DENND1B: variants seen among roughly 807,000 people sequenced by gnomAD.
The protein encoded by DENND1B is DENN domain-containing protein 1B.
Under a neutral mutation model 90.1 loss-of-function variants are expected in DENND1B, and 59 were observed. The observed-to-expected ratio is 0.65, with a 90% confidence interval of 0.53 to 0.81. The LOEUF (loss-of-function observed/expected upper bound fraction) is 0.81, where lower values mean the gene tolerates loss of function less well. Ranked by LOEUF, DENND1B falls within the 40% of genes least tolerant of loss-of-function variation. DENND1B has a pLI of 0.00. For synonymous variants in DENND1B, 337 were observed against 324.6 expected (o/e 1.04, Z -0.41); for missense variants, 862 against 912.6 (o/e 0.94, Z 0.71).
chr1:197,507,388 T>C lies in DENND1B; in HGVS notation c.*3072A>G, dbSNP rs1246252903. The C allele has an allele frequency of 6.6e-6, 1 of 151,342 alleles. No individual in the cohort carries two copies. The highest frequency in any genetic ancestry group is 1.5e-5 in the Non-Finnish European group (1 of 67,560). The allele number at this position is 151,342 out of a possible 1,614,324, so 9.4% of individuals were successfully genotyped here. ...AAATAATCATGCTATGTTTTGGTGC[T>C]TTTCTAAGACACATTAAAGTAGGTA... On this transcript the variant is annotated 3_prime_UTR_variant, in exon 23 of 23. Transcript: ENST00000620048.
intron 7 of DENND1B, 70 bp downstream of exon 7, chr1:197,652,165 G>A (rs1653289186): frequency 7.9e-7 from 1 of 1,259,010 alleles, no homozygotes; most frequent in Admixed American, 1.9e-5. Flanking sequence ...TTGCCTGAAG[G>A]TACACGTGCT....
At position 197,607,156 on chromosome 1, in the gene DENND1B, A is replaced by G. The variant is rs933619605; in HGVS notation, c.838T>C (p.Leu280=). Reference sequence around the variant, plus strand: ...ACATTTAACATAACAACATCTTCCAATGATTTGTTTTTCACTCTCTATAAA... The same window carrying G: ...ACATTTAACATAACAACATCTTCCAGTGATTTGTTTTTCACTCTCTATAAA... ...SLIERVKNKS[L]EDVVMLNVDT... The change falls in exon 13 of 23, where the codon TTG becomes CTG. Residue 280 remains leucine, a synonymous_variant. Transcript: ENST00000620048. 7.0e-6 allele frequency: 11 copies of G among 1,566,830 alleles called. No individual in the cohort carries two copies. The highest frequency in any genetic ancestry group is 1.5e-5 in the African/African-American group (1 of 65,174).
chr1:197,587,470 G>A (rs747290874), intron 14 of DENND1B, among the ~76,000 whole-genome samples: 1 of 152,158 alleles, frequency 6.6e-6, no homozygotes, highest in African/African-American at 2.4e-5. Flanking sequence ...CAGCTATCAG[G>A]AAAACATAAT....
chr1:197,540,201 A>T (rs1339388008), intron 19 of DENND1B, 130 bp from the exon 20 acceptor site: 11 of 421,506 alleles, frequency 2.6e-5, no homozygotes, highest in African/African-American at 4.1e-5. Context: ...AAGTGTAAAG[A>T]ATCTATTTAA....
chr1:197,619,896 A>AGAGAAG (rs1045148236), intron 10 of DENND1B, among the ~76,000 whole-genome samples: 2 of 151,228 alleles, frequency 1.3e-5, no homozygotes, highest in African/African-American at 4.8e-5. Flanking sequence ...ATCTACCAGA[A>AGAGAAG]GAGAACCGAG....
intron 2 of DENND1B, among the ~76,000 whole-genome samples, chr1:197,715,853 A>G (rs554739713): frequency 5.3e-5 from 8 of 151,866 alleles, no homozygotes; most frequent in African/African-American, 1.7e-4. Context: ...CCATATACTT[A>G]TTGTTTAATT....
chr1:197,719,698 C>T (rs905998579), intron 2 of DENND1B, among the ~76,000 whole-genome samples: 6 of 151,958 alleles, frequency 3.9e-5, no homozygotes, highest in Admixed American at 2.6e-4. Context: ...TGGATTCTGT[C>T]GGGGTGAGGT....
chr1:197,749,184 TCC>T (rs953110822), intron 2 of DENND1B, among the ~76,000 whole-genome samples: 44 of 151,694 alleles, frequency 2.9e-4, no homozygotes, highest in African/African-American at 8.2e-4. Flanking sequence ...ATGAACTGTG[TCC>T]CCAAGGGAAA....
intron 13 of DENND1B, 55 bp from the exon 14 acceptor site, chr1:197,595,388 G>A: frequency 6.3e-7 from 1 of 1,589,706 alleles, no homozygotes; most frequent in Non-Finnish European, 8.6e-7. Flanking sequence ...GTACAGCGAG[G>A]TAGGAACCCA....
upstream of DENND1B, among the ~76,000 whole-genome samples, chr1:197,778,403 A>G (rs1657349598): frequency 6.6e-6 from 1 of 152,210 alleles, no homozygotes; most frequent in South Asian, 2.1e-4. Context: ...GGCTGGGCGC[A>G]GTGGCTCATG....
chr1:197,775,182 G>T lies in DENND1B; in HGVS notation c.-27C>A. The T allele has an allele frequency of 7.9e-7, 1 of 1,272,714 alleles. No homozygotes were observed. Among genetic ancestry groups the T allele is most frequent in the Non-Finnish European group, 1.0e-6 (1 of 1,004,018 alleles). 78.8% of individuals were successfully genotyped at this position (1,272,714 alleles called of 1,614,324 possible). Reference sequence around the variant, plus strand: ...GTTACATGTCGGTGTGGGGCTGTCCGTCCGGCCCCCGCGCGCTGGCCTGGA... The same window carrying T: ...GTTACATGTCGGTGTGGGGCTGTCCTTCCGGCCCCCGCGCGCTGGCCTGGA... On this transcript the variant is annotated 5_prime_UTR_variant, in exon 1 of 23. Transcript: ENST00000620048.
At chr1:197,575,535 G>A (rs182890839) in intron 15 of DENND1B, among the ~76,000 whole-genome samples, 1 of 152,320 alleles carries the variant, frequency 6.6e-6, no homozygotes, top group Admixed American at 6.5e-5. Context: ...GATTCCTCAA[G>A]GATCTAGAAC....
intron 15 of DENND1B, among the ~76,000 whole-genome samples, chr1:197,570,813 A>G (rs1187911084): frequency 6.6e-6 from 1 of 152,174 alleles, no homozygotes; most frequent in Non-Finnish European, 1.5e-5. Context: ...ATAATAAAAA[A>G]CATGTTAAGG....
intron 3 of DENND1B, among the ~76,000 whole-genome samples, chr1:197,694,334 A>G (rs895123891): frequency 1.3e-5 from 2 of 151,464 alleles, no homozygotes; most frequent in African/African-American, 4.8e-5. Flanking sequence ...CCAATTTTGC[A>G]AGACTTTATT....
chr1:197,681,883 T>C (rs1262924260), intron 3 of DENND1B, among the ~76,000 whole-genome samples: 3 of 152,154 alleles, frequency 2.0e-5, no homozygotes, highest in Non-Finnish European at 4.4e-5. Context: ...ATTAGAAAAC[T>C]GATTTTTGTG....
chr1:197,755,335 T>C (rs1262052118), intron 2 of DENND1B, among the ~76,000 whole-genome samples: 1 of 151,942 alleles, frequency 6.6e-6, no homozygotes, highest in East Asian at 1.9e-4. Flanking sequence ...ATATGAAAAA[T>C]ACTTTCTCAA....
intron 3 of DENND1B, among the ~76,000 whole-genome samples, chr1:197,701,540 C>G (rs894175521): frequency 1.3e-5 from 2 of 151,534 alleles, no homozygotes; most frequent in Non-Finnish European, 2.9e-5. Context: ...ACTTGTATCC[C>G]CCCCTTCCCC....
Position 197,505,715 on chromosome 1 carries a change from A to AATTAAC in DENND1B, c.*4744_*4745insGTTAAT, listed in dbSNP as rs1553271948. ...AAACAAACTGTACATCATACAAAAA[A>AATTAAC]TTAATTTACACAGTCAAAAAGTATT... is the stretch of plus-strand genomic sequence containing the variant. On this transcript the variant is annotated 3_prime_UTR_variant, in exon 23 of 23. Transcript: ENST00000620048. 6.6e-6 allele frequency: 1 copy of AATTAAC among 151,334 alleles called. No individual in the cohort carries two copies. Among genetic ancestry groups the AATTAAC allele is most frequent in the East Asian group, 1.9e-4 (1 of 5,142 alleles). 9.4% of individuals were successfully genotyped at this position (151,334 alleles called of 1,614,324 possible).
chr1:197,612,109 C>T (rs1036202770), intron 11 of DENND1B, 133 bp from the exon 12 acceptor site: 1 of 541,042 alleles, frequency 1.8e-6, no homozygotes, highest in African/African-American at 2.0e-5. Context: ...TATAGATATT[C>T]AAAATTATTC....
Sources: gnomAD v4.1 joint callset for allele counts (sites outside exome capture counted in the v4.1 genomes callset) on GRCh38, gnomAD v4.1.1 for gene constraint, MANE v1.5 for transcripts, NCBI Gene and HGNC (gene_info 2026-07-23, HGNC 2026-07-21) for gene names.